Variants in NCALD observed in about 807,000 individuals in gnomAD.
The protein encoded by NCALD is neurocalcin delta.
In NCALD, 10 loss-of-function variants were observed where a neutral mutation model predicts 18.6. That is an observed-to-expected ratio of 0.54 (90% CI 0.33 to 0.91). NCALD has a LOEUF of 0.91. Ranked by LOEUF, NCALD falls within the 40% of genes least tolerant of loss-of-function variation. The probability of loss-of-function intolerance (pLI) is 0.03; values close to 1 mark genes in which losing one functional copy is unlikely to be tolerated. For synonymous variants in NCALD, 88 were observed against 87.4 expected, an observed-to-expected ratio of 1.01 and a Z score of -0.04; for missense variants, 184 against 247.6, an observed-to-expected ratio of 0.74 and a Z score of 1.72.
chr8:102,004,191 C>T (rs944312139), intron 2 of NCALD, among the ~76,000 whole-genome samples: 29 of 151,946 alleles, frequency 1.9e-4, no homozygotes, highest in Middle Eastern at 3.4e-3. Context: ...TCTCAGGATA[C>T]AAAATCAATG....
chr8:101,823,191 A>G (rs1215985097), intron 4 of NCALD, among the ~76,000 whole-genome samples: 1 of 152,216 alleles, frequency 6.6e-6, no homozygotes, highest in East Asian at 1.9e-4. Context: ...AGTTTTAGGC[A>G]ATTAAAAATA....
At chr8:102,053,820 A>T (rs1159081990) in intron 1 of NCALD, among the ~76,000 whole-genome samples, 8 of 152,178 alleles carry the variant, frequency 5.3e-5, no homozygotes, top group Non-Finnish European at 1.0e-4. Flanking sequence ...ATTTAGATAA[A>T]ATATATATAA....
At chr8:102,033,458 G>A (rs1231121842) in intron 1 of NCALD, among the ~76,000 whole-genome samples, 2 of 152,138 alleles carry the variant, frequency 1.3e-5, no homozygotes, top group Non-Finnish European at 2.9e-5. Flanking sequence ...TAACTATTAT[G>A]CCTAATAAGC....
At chr8:102,108,770 T>C (rs934275454) in intron 1 of NCALD, among the ~76,000 whole-genome samples, 4 of 152,206 alleles carry the variant, frequency 2.6e-5, no homozygotes, top group Non-Finnish European at 5.9e-5. Flanking sequence ...ATAATGCTCC[T>C]GGAAGAGCTC....
At chr8:101,730,486 A>AG (rs1482780079) in intron 1 of NCALD, among the ~76,000 whole-genome samples, 1 of 150,420 alleles carries the variant, frequency 6.6e-6, no homozygotes, top group Non-Finnish European at 1.5e-5. Context: ...TCTCAAAAAA[A>AG]AAAAAAAAAA....
chr8:101,791,172 G>A (rs559123519), upstream of NCALD, among the ~76,000 whole-genome samples: 12 of 152,266 alleles, frequency 7.9e-5, no homozygotes, highest in Admixed American at 3.9e-4. Flanking sequence ...GAACCATCAC[G>A]GACAGCTCCT....
intron 3 of NCALD, among the ~76,000 whole-genome samples, chr8:101,909,732 A>AACC (rs1003849701): frequency 6.6e-6 from 1 of 152,140 alleles, no homozygotes; most frequent in African/African-American, 2.4e-5. Context: ...CTGAGGTGAG[A>AACC]ACCCAGGATT....
At chr8:101,764,105 G>A (rs550723833) in intron 1 of NCALD, among the ~76,000 whole-genome samples, 50 of 151,910 alleles carry the variant, frequency 3.3e-4, no homozygotes, top group Non-Finnish European at 6.3e-4. Context: ...GTAGGTGGAC[G>A]GATCTGAGTC....
chr8:101,985,227 C>A (rs1417354799), intron 2 of NCALD, among the ~76,000 whole-genome samples: 1 of 152,172 alleles, frequency 6.6e-6, no homozygotes, highest in African/African-American at 2.4e-5. Context: ...TGATGACCCA[C>A]CCCCAGCCCA....
intron 4 of NCALD, among the ~76,000 whole-genome samples, chr8:101,868,067 C>G (rs1256313387): frequency 6.6e-6 from 1 of 152,178 alleles, no homozygotes; most frequent in African/African-American, 2.4e-5. Context: ...CACTGTATTT[C>G]TACTGCCTCC....
chr8:101,955,558 T>G (rs1208008757), intron 2 of NCALD, among the ~76,000 whole-genome samples: 2 of 152,222 alleles, frequency 1.3e-5, no homozygotes, highest in African/African-American at 2.4e-5. Context: ...GGAAATACAG[T>G]GTTTAACAAC....
intron 4 of NCALD, among the ~76,000 whole-genome samples, chr8:101,841,567 C>T (rs1289790039): frequency 6.6e-6 from 1 of 152,168 alleles, no homozygotes; most frequent in Admixed American, 6.5e-5. Flanking sequence ...ACCCAAATGT[C>T]CTTTGAGTTG....
chr8:101,828,610 T>TG (rs1427015076), intron 4 of NCALD, among the ~76,000 whole-genome samples: 2 of 151,472 alleles, frequency 1.3e-5, no homozygotes, highest in Non-Finnish European at 2.9e-5. Flanking sequence ...TATAACTCAT[T>TG]TTTTTTTAAG....
intron 1 of NCALD, among the ~76,000 whole-genome samples, chr8:101,786,227 C>T (rs1812221698): frequency 6.6e-6 from 1 of 152,150 alleles, no homozygotes; most frequent in South Asian, 2.1e-4. Context: ...TTGCTGAATG[C>T]ATGAAAGACT....
intron 1 of NCALD, among the ~76,000 whole-genome samples, chr8:102,099,793 A>C (rs771217076): frequency 2.0e-5 from 3 of 151,914 alleles, no homozygotes; most frequent in Non-Finnish European, 4.4e-5. Flanking sequence ...AAATTACCCA[A>C]AAAAACCCTA....
chr8:101,839,299 A>G (rs898381540), intron 4 of NCALD, among the ~76,000 whole-genome samples: 51 of 152,144 alleles, frequency 3.4e-4, no homozygotes, highest in Non-Finnish European at 2.1e-4. Context: ...GAGGGAAAAA[A>G]AAAAGCTGTA....
intron 1 of NCALD, among the ~76,000 whole-genome samples, chr8:101,758,225 C>A (rs1810966568): frequency 6.6e-6 from 1 of 152,124 alleles, no homozygotes; most frequent in Admixed American, 6.5e-5. Context: ...GCCTGCCTTG[C>A]CTAAAGCACT....
chr8:102,031,122 G>C (rs1335902216), intron 1 of NCALD, among the ~76,000 whole-genome samples: 1 of 152,060 alleles, frequency 6.6e-6, no homozygotes, highest in Non-Finnish European at 1.5e-5. Context: ...AATTGCACCT[G>C]AGTTTGATCA....
At chr8:101,706,893 GA>G (rs1815553191) in intron 2 of NCALD, among the ~76,000 whole-genome samples, 2 of 55,056 alleles carry the variant, frequency 3.6e-5, no homozygotes, top group Non-Finnish European at 1.8e-4. Flanking sequence ...TAAATCCCCT[GA>G]TAAGAAAGGG....
Sources: gnomAD v4.1 joint callset for allele counts (sites outside exome capture counted in the v4.1 genomes callset) on GRCh38, gnomAD v4.1.1 for gene constraint, MANE v1.5 for transcripts, NCBI Gene and HGNC (gene_info 2026-07-23, HGNC 2026-07-21) for gene names.